The following PDE1A variants were observed in gnomAD, a reference collection of about 807,000 sequenced individuals.
PDE1A encodes the protein phosphodiesterase 1A.
A neutral mutation model predicts 61.7 loss-of-function variants in PDE1A; 35 were observed. The ratio of observed to expected loss-of-function variants is 0.57; its 90% CI spans 0.43 to 0.75. PDE1A has a LOEUF of 0.75. Ranked by LOEUF, PDE1A falls within the 30% of genes least tolerant of loss-of-function variation. The pLI, the probability that PDE1A is intolerant of heterozygous loss-of-function variation, is 0.00. For missense variants in PDE1A, 597 were observed against 630.6 expected, an observed-to-expected ratio of 0.95 and a Z score of 0.57; for synonymous variants, 232 against 213.2, an observed-to-expected ratio of 1.09 and a Z score of -0.77.
chr2:182,211,212 T>C (rs1026492431), intron 7 of PDE1A, among the ~76,000 whole-genome samples: 5 of 152,238 alleles, frequency 3.3e-5, no homozygotes, highest in Non-Finnish European at 7.3e-5. Context: ...TAGATTCTTC[T>C]TTGCTTTTTG....
the PDE1A span, among the ~76,000 whole-genome samples, chr2:182,690,644 A>G: frequency 6.6e-6 from 1 of 152,028 alleles, no homozygotes; most frequent in Non-Finnish European, 1.5e-5. Flanking sequence ...CTCTCTCACC[A>G]CTCCTATTCA....
At chr2:182,411,202 T>C (rs1053332518) in intron 1 of PDE1A, among the ~76,000 whole-genome samples, 2 of 152,224 alleles carry the variant, frequency 1.3e-5, no homozygotes, top group Non-Finnish European at 2.9e-5. Context: ...CTTCAGCTTA[T>C]ATAAATCTTT....
chr2:182,283,655 G>A (rs1456562336), intron 1 of PDE1A, among the ~76,000 whole-genome samples: 1 of 151,738 alleles, frequency 6.6e-6, no homozygotes, highest in African/African-American at 2.4e-5. Context: ...TTTCCTAGAA[G>A]GAAACAAAAG....
At chr2:182,629,300 G>A in the PDE1A span, among the ~76,000 whole-genome samples, 1 of 152,188 alleles carries the variant, frequency 6.6e-6, no homozygotes, top group Non-Finnish European at 1.5e-5. Context: ...CAGAAAATAA[G>A]TGTATGTCAT....
At position 182,223,680 on chromosome 2, in the gene PDE1A, C is replaced by T. The variant is rs1574067489; in HGVS notation, c.776+184G>A. 2.6e-5 allele frequency among the ~76,000 whole-genome samples: 4 copies of T among 151,896 alleles called. No homozygotes were observed. The South Asian group carries it at 8.3e-4, about 31-fold the overall frequency. ...TAGATATGCCACAAAATACTATACACAAGATTCTTAAAAAATAGTAGTTAA... is the reference window on the plus strand; with the variant it reads ...TAGATATGCCACAAAATACTATACATAAGATTCTTAAAAAATAGTAGTTAA... On this transcript the variant is annotated intron_variant, in intron 7 of 13. Coordinates refer to ENST00000351439, the Ensembl canonical transcript of PDE1A.
chr2:182,173,456 A>G (rs1692429458), intron 13 of PDE1A, among the ~76,000 whole-genome samples: 1 of 152,022 alleles, frequency 6.6e-6, no homozygotes, highest in Admixed American at 6.6e-5. Context: ...TATCAAATGC[A>G]TACTCCTGCT....
chr2:182,586,250 A>T, the PDE1A span, among the ~76,000 whole-genome samples: 1 of 152,296 alleles, frequency 6.6e-6, no homozygotes, highest in Admixed American at 6.5e-5. Flanking sequence ...AGTCAAGGCA[A>T]TGTAAAACAG....
intron 1 of PDE1A, among the ~76,000 whole-genome samples, chr2:182,325,306 T>A (rs573493344): frequency 6.6e-6 from 1 of 152,014 alleles, no homozygotes; most frequent in Non-Finnish European, 1.5e-5. Context: ...ATACAACATA[T>A]ACAAAAAGTA....
chr2:182,235,620 A>ATG (rs899744222), intron 3 of PDE1A, among the ~76,000 whole-genome samples: 1 of 152,238 alleles, frequency 6.6e-6, no homozygotes, highest in African/African-American at 2.4e-5. Context: ...TGAAAGAAAC[A>ATG]TGTTTCCTCC....
At chr2:182,190,425 G>A (rs1158393508) in intron 10 of PDE1A, among the ~76,000 whole-genome samples, 1 of 152,222 alleles carries the variant, frequency 6.6e-6, no homozygotes, top group Non-Finnish European at 1.5e-5. Flanking sequence ...AGAGTCAGAA[G>A]ATACAGTCAG....
At chr2:182,204,311 T>C (rs1329033663) in intron 8 of PDE1A, among the ~76,000 whole-genome samples, 1 of 152,242 alleles carries the variant, frequency 6.6e-6, no homozygotes, top group Non-Finnish European at 1.5e-5. Context: ...GTGGTCTCTT[T>C]AAAATTATTT....
chr2:182,431,022 G>T, upstream of PDE1A, among the ~76,000 whole-genome samples: 1 of 135,708 alleles, frequency 7.4e-6, no homozygotes, highest in African/African-American at 2.7e-5. Flanking sequence ...TGAGTTAGTG[G>T]GTGCAGCGCA....
At chr2:182,569,183 G>A in the PDE1A span, among the ~76,000 whole-genome samples, 2 of 150,956 alleles carry the variant, frequency 1.3e-5, no homozygotes, top group South Asian at 2.1e-4. Flanking sequence ...GGCCCAAGAG[G>A]TCAAGGCTGC....
intron 2 of PDE1A, among the ~76,000 whole-genome samples, chr2:182,451,186 G>A (rs1474721557): frequency 4.0e-5 from 1 of 25,114 alleles, no homozygotes; most frequent in Non-Finnish European, 8.0e-5. Flanking sequence ...AGACCATCCC[G>A]GCTAACACGG....
At chr2:182,596,608 C>G in the PDE1A span, among the ~76,000 whole-genome samples, 3 of 152,212 alleles carry the variant, frequency 2.0e-5, no homozygotes, top group African/African-American at 7.2e-5. Context: ...ACAAATAAGG[C>G]TATCAAAGTT....
chr2:182,225,345 A>ATT (rs1689058552), intron 6 of PDE1A, among the ~76,000 whole-genome samples: 1 of 151,924 alleles, frequency 6.6e-6, no homozygotes, highest in Non-Finnish European at 1.5e-5. Flanking sequence ...TTTGTGTAAA[A>ATT]GGTAAAAGAA....
chr2:182,357,446 A>G (rs903371164), intron 1 of PDE1A, among the ~76,000 whole-genome samples: 3 of 152,096 alleles, frequency 2.0e-5, no homozygotes, highest in Non-Finnish European at 4.4e-5. Flanking sequence ...AGCTTAAAAA[A>G]CAGTATTGCA....
chr2:182,415,599 T>C (rs1213572796), intron 1 of PDE1A, among the ~76,000 whole-genome samples: 1 of 152,184 alleles, frequency 6.6e-6, no homozygotes, highest in Non-Finnish European at 1.5e-5. Context: ...AGAAACACTT[T>C]CAAAGCAACT....
chr2:182,159,892 G>T (rs1223864139), intron 13 of PDE1A, among the ~76,000 whole-genome samples: 1 of 152,162 alleles, frequency 6.6e-6, no homozygotes, highest in Non-Finnish European at 1.5e-5. Flanking sequence ...GTTTGAGGCT[G>T]CAGTGAGCTA....
Sources: gnomAD v4.1 joint callset for allele counts (sites outside exome capture counted in the v4.1 genomes callset) on GRCh38, gnomAD v4.1.1 for gene constraint, MANE v1.5 for transcripts, NCBI Gene and HGNC (gene_info 2026-07-23, HGNC 2026-07-21) for gene names.